SLC22A17: variants seen among roughly 807,000 people sequenced by gnomAD.
SLC22A17 encodes the protein 24p3 receptor.
A neutral mutation model predicts 53.6 loss-of-function variants in SLC22A17; 38 were observed. That is an observed-to-expected ratio of 0.71 (90% CI 0.55 to 0.93). SLC22A17 has a LOEUF of 0.93. Ranked by LOEUF, SLC22A17 falls within the 40% of genes least tolerant of loss-of-function variation. The probability of loss-of-function intolerance (pLI) is 0.00; values close to 1 mark genes in which losing one functional copy is unlikely to be tolerated. For missense variants in SLC22A17, 704 were observed against 791.0 expected (o/e 0.89, Z 1.32); for synonymous variants, 379 against 353.0 (o/e 1.07, Z -0.82).
At chr14:23,349,116 G>A in intron 4 of SLC22A17, 156 bp downstream of exon 4, 1 of 923,382 alleles carries the variant, frequency 1.1e-6, no homozygotes, top group Non-Finnish European at 1.7e-6. Context: ...GTAGAGAGAA[G>A]CAAGAGCCCT....
exon 10 of SLC22A17, chr14:23,346,599 G>C: frequency 7.0e-7 from 1 of 1,434,434 alleles, no homozygotes; most frequent in Admixed American, 2.8e-5. Context: ...CGATCTTCTT[G>C]CCACCTTTCT....
chr14:23,349,632 T>C (rs1889498334), intron 3 of SLC22A17: 1 of 609,202 alleles, frequency 1.6e-6, no homozygotes, highest in Admixed American at 3.0e-5. Context: ...GTGGTTGTGG[T>C]TCTTTAAGAG....
chr14:23,347,780 G>A lies in SLC22A17; in HGVS notation c.1278-49C>T, dbSNP rs373964685. ...ACGAACAGAGCCTGAATCCCCTCCC[G>A]CAGCCTTCTACAGTGCTGATGGTCC... is the stretch of plus-strand genomic sequence containing the variant. On this transcript the variant is annotated intron_variant, in intron 7 of 9. Coordinates refer to ENST00000397267, the Ensembl canonical transcript of SLC22A17. The surrounding 1 kb of genome is among the most constrained non-coding windows in gnomAD (Gnocchi z 5.1). The A allele has an allele frequency of 3.3e-5, 53 of 1,608,956 alleles. No homozygotes were observed. Among genetic ancestry groups the A allele is most frequent in the Non-Finnish European group, 4.2e-5 (50 of 1,176,876 alleles).
exon 10 of SLC22A17, chr14:23,346,755 C>G: frequency 1.3e-6 from 2 of 1,544,924 alleles, no homozygotes; most frequent in Non-Finnish European, 1.7e-6. Context: ...TCCCGGAGCA[C>G]CTCGGGCAGG....
In SLC22A17 at chr14:23,352,196, A is replaced by C. The variant is rs763666126; in HGVS notation, c.352T>G (p.Phe118Val). The stretch of plus-strand genomic sequence containing the variant: ...CAATGCAGCGGGGGCGCCAGCGTGA[A>C]GATGGGGTCCGAGGCCATGCCCAGA... The change falls in exon 2 of 10, where the codon TTC becomes GTC. Residue 118 changes from phenylalanine to valine, a missense_variant. This residue lies in a region of SLC22A17 where 31 missense variants were observed against 62.3 expected (regional missense o/e 0.50). Coordinates refer to ENST00000397267, the Ensembl canonical transcript of SLC22A17. The surrounding 1 kb of genome is among the most constrained non-coding windows in gnomAD (Gnocchi z 7.2). The C allele has an allele frequency of 4.6e-6, 7 of 1,515,394 alleles. No individual in the cohort carries two copies. The highest frequency in any genetic ancestry group is 6.2e-6 in the Non-Finnish European group (7 of 1,136,012). The allele number at this position is 1,515,394 out of a possible 1,614,324, so 93.9% of individuals were successfully genotyped here.
At chr14:23,351,781 G>A in exon 3 of SLC22A17, 7 of 1,613,776 alleles carry the variant, frequency 4.3e-6, no homozygotes, top group Non-Finnish European at 5.9e-6. Context: ...GGAACAGGTA[G>A]CCGGAGGCAA....
rs369148000 is a variant in SLC22A17, at chr14:23,346,871, C to T, written c.1727G>A (p.Arg576His). ...GAAGGCTCCATGGCCCATGTGGAGGCGCTGGGCCGGGCCGCTCAGTCCTCC... is the reference window on the plus strand; with the variant it reads ...GAAGGCTCCATGGCCCATGTGGAGGTGCTGGGCCGGGCCGCTCAGTCCTCC... Residue 576 changes from arginine (R) to histidine (H), a missense_variant, in exon 10 of 10, where the codon CGC becomes CAC. Physicochemically the swap from Arg to His is conservative, Grantham distance 29 (BLOSUM62 0). Transcript: ENST00000397267. The T allele has an allele frequency of 9.3e-4, 1,429 of 1,538,552 alleles. 3 individuals carry two copies. Among genetic ancestry groups the T allele is most frequent in the South Asian group, 1.9e-3 (164 of 84,248 alleles).
In SLC22A17 at chr14:23,348,750, G is replaced by C; in HGVS notation, c.860-79C>G. ...CATAAGAGAGAAGAAGAAAGAGGGA[G>C]GGAGGAGGACAGAGAGAGAGGTCAG... On this transcript the variant is annotated intron_variant, in intron 4 of 9. Transcript: ENST00000397267. This position sits in a 1 kb window ranked among gnomAD's most constrained non-coding sequence, Gnocchi z 4.5. 1.4e-6 allele frequency: 2 copies of C among 1,430,550 alleles called. No homozygotes were observed. Among genetic ancestry groups the C allele is most frequent in the Non-Finnish European group, 1.9e-6 (2 of 1,068,004 alleles). The allele number at this position is 1,430,550 out of a possible 1,614,324, so 88.6% of individuals were successfully genotyped here. A position where few individuals can be genotyped will look rare whatever the true frequency, so the allele number is the denominator to read the frequency against.
At chr14:23,349,081 A>T in intron 4 of SLC22A17, 191 bp downstream of exon 4, 1 of 703,896 alleles carries the variant, frequency 1.4e-6, no homozygotes, top group Non-Finnish European at 2.5e-6. Context: ...AAGACTTTAA[A>T]GATTGTCGGG....
exon 10 of SLC22A17, chr14:23,346,735 C>T: frequency 1.3e-6 from 2 of 1,545,728 alleles, no homozygotes; most frequent in South Asian, 2.4e-5. Flanking sequence ...GCCGGCGACA[C>T]AGCTCCCCGT....
chr14:23,346,789 C>T, exon 10 of SLC22A17: 1 of 1,542,958 alleles, frequency 6.5e-7, no homozygotes, highest in Non-Finnish European at 8.7e-7. Flanking sequence ...TCTCCGGCAG[C>T]AGCATAATGC....
Position 23,347,478 on chromosome 14 carries a change from G to A in SLC22A17, c.1531C>T (p.Gln511Ter), listed in dbSNP as rs2138511511. 6.2e-7 allele frequency: 1 copy of A among 1,613,960 alleles called. No individual in the cohort carries two copies. Among genetic ancestry groups the A allele is most frequent in the East Asian group, 2.2e-5 (1 of 44,880 alleles). ...GAAGCACCTCTGTTGGGGTTCCCTT[G>A]TTGAGCCCACACTGTGGGGAAGATA... Residue 511 changes from glutamine to a stop codon, truncating the protein, a stop_gained, in exon 8 of 10, where the codon CAA becomes TAA. Transcript: ENST00000397267. LOFTEE classifies it high-confidence loss of function. This position sits in a 1 kb window ranked among gnomAD's most constrained non-coding sequence, Gnocchi z 5.1.
rs115170173 is a variant in SLC22A17 at position 23,348,483 on chromosome 14, G to A, written c.1025+23C>T. 2.1e-4 allele frequency: 339 copies of A among 1,606,576 alleles called. No individual in the cohort carries two copies. In the African/African-American group the frequency reaches 3.9e-3, roughly 19 times the overall value. On this transcript the variant is annotated intron_variant, in intron 5 of 9. Transcript: ENST00000397267. This position sits in a 1 kb window ranked among gnomAD's most constrained non-coding sequence, Gnocchi z 4.5. ...GAGGCAGAGATGGGAATTGCCAGAC[G>A]ACAGGTGAAGGGTAATACTGACCCA...
intron 3 of SLC22A17, 154 bp from the exon 4 acceptor site, chr14:23,349,580 G>A: frequency 1.1e-6 from 1 of 871,382 alleles, no homozygotes; most frequent in Non-Finnish European, 1.7e-6. Context: ...GGGAGGGATG[G>A]GGACCATGGG....
At position 23,352,014 on chromosome 14, in the gene SLC22A17, G is replaced by T. The variant is rs1396832668; in HGVS notation, c.534C>A (p.Phe178Leu). 6.2e-7 allele frequency: 1 copy of T among 1,611,466 alleles called. No individual in the cohort carries two copies. Among genetic ancestry groups the T allele is most frequent in the Non-Finnish European group, 8.5e-7 (1 of 1,178,846 alleles). The change falls in exon 2 of 10, where the codon TTC (phenylalanine) becomes TTA (leucine). Residue 178 changes from phenylalanine to leucine, a missense_variant. Coordinates refer to ENST00000397267, the Ensembl canonical transcript of SLC22A17. This position sits in a 1 kb window ranked among gnomAD's most constrained non-coding sequence, Gnocchi z 7.2. ...AGTCCCAATCCTTGAGGCAATGGTT[G>T]AAGTCCGGCGGGGCGAAGCCGCTGC...
In SLC22A17 at chr14:23,348,816, C is replaced by CAGAGG; in HGVS notation, c.860-146_860-145insCCTCT. 1 of 862,508 alleles carries CAGAGG rather than the reference C, an allele frequency of 1.2e-6. No individual in the cohort carries two copies. The highest frequency in any genetic ancestry group is 1.7e-6 in the Non-Finnish European group (1 of 576,012). The allele number at this position is 862,508 out of a possible 1,614,324, so 53.4% of individuals were successfully genotyped here. The stretch of plus-strand genomic sequence containing the variant: ...TGCAGCCATTGCCTCCCTTGCTAAC[C>CAGAGG]TCTGGGTGGCAAGGACTGGGGAGAC... On this transcript the variant is annotated intron_variant, in intron 4 of 9. Coordinates refer to ENST00000397267, the Ensembl canonical transcript of SLC22A17. This position sits in a 1 kb window ranked among gnomAD's most constrained non-coding sequence, Gnocchi z 4.5.
Position 23,352,128 on chromosome 14 carries a change from C to T in SLC22A17, c.420G>A (p.Gln140=), listed in dbSNP as rs1889677808. The change falls in exon 2 of 10, where the codon CAG becomes CAA. Residue 140 remains glutamine (Q), a synonymous_variant. Transcript: ENST00000397267. This position sits in a 1 kb window ranked among gnomAD's most constrained non-coding sequence, Gnocchi z 7.2. Reference sequence around the variant, plus strand: ...CGCTGACGCCGCTGGCATTGGGAGGCTGCTCCCAGCCAGAGGCATTAGGGG... The same window carrying T: ...CGCTGACGCCGCTGGCATTGGGAGGTTGCTCCCAGCCAGAGGCATTAGGGG... The T allele has an allele frequency of 1.3e-6, 2 of 1,577,738 alleles. No individual in the cohort carries two copies. Among genetic ancestry groups the T allele is most frequent in the Non-Finnish European group, 1.7e-6 (2 of 1,163,772 alleles).
Position 23,348,434 on chromosome 14 carries a change from G to GCTA in SLC22A17, c.1025+71_1025+72insTAG. The GCTA allele has an allele frequency of 6.3e-7, 1 of 1,585,252 alleles. No individual in the cohort carries two copies. The highest frequency in any genetic ancestry group is 8.6e-7 in the Non-Finnish European group (1 of 1,162,764). ...CCAGGGGTAGTTGGAGAAGAGGAGG[G>GCTA]GTCTCCGGGCTAGGGCTAGTTTGGA... On this transcript the variant is annotated intron_variant, in intron 5 of 9. Coordinates refer to ENST00000397267, the Ensembl canonical transcript of SLC22A17. This position sits in a 1 kb window ranked among gnomAD's most constrained non-coding sequence, Gnocchi z 4.5.
intron 3 of SLC22A17, 151 bp from the exon 4 acceptor site, chr14:23,349,577 A>C: frequency 1.2e-6 from 1 of 865,418 alleles, no homozygotes; most frequent in Admixed American, 2.9e-5. Flanking sequence ...ATGGGGAGGG[A>C]TGGGGACCAT....
Sources: allele counts gnomAD v4.1 joint callset, GRCh38; gene constraint gnomAD v4.1.1; regional missense constraint gnomAD v4.1.1; non-coding constraint Gnocchi (gnomAD v3.1); transcripts MANE v1.5; gene names NCBI Gene and HGNC (gene_info 2026-07-23, HGNC 2026-07-21).